CEP290: variants seen among roughly 807,000 people sequenced by gnomAD.
CEP290 encodes centrosomal protein 290.
CEP290 carries 317 observed loss-of-function variants against 344.9 expected under a neutral mutation model. The observed-to-expected ratio is 0.92, with a 90% CI of 0.84 to 1.01. The LOEUF (loss-of-function observed/expected upper bound fraction) is 1.01. Among genes scored for constraint, CEP290 ranks in the 50% least tolerant of loss-of-function variants. CEP290 has a pLI of 0.00. For missense variants in CEP290, 2,754 were observed against 2,761.4 expected, an observed-to-expected ratio of 1.00 and a Z score of 0.06; for synonymous variants, 932 against 895.8, an observed-to-expected ratio of 1.04 and a Z score of -0.72.
At chr12:88,091,519 A>G (rs894994391) in intron 29 of CEP290, among the ~76,000 whole-genome samples, 21 of 152,152 alleles carry the variant, frequency 1.4e-4, no homozygotes, top group Admixed American at 1.4e-3. Context: ...TTTGGGTTAG[A>G]ATAATTTTAG....
intron 23 of CEP290, among the ~76,000 whole-genome samples, chr12:88,107,891 G>C (rs1342126856): frequency 2.0e-5 from 3 of 148,638 alleles, no homozygotes; most frequent in Non-Finnish European, 4.4e-5. Context: ...GACAGAGCAA[G>C]ACTCTGTCTC....
chr12:88,110,553 A>T (rs1473298400), intron 22 of CEP290, among the ~76,000 whole-genome samples: 1 of 152,038 alleles, frequency 6.6e-6, no homozygotes, highest in Non-Finnish European at 1.5e-5. Context: ...TCTACTAAAA[A>T]AAAATACAAA....
chr12:88,072,796 G>A (rs1416382119), intron 41 of CEP290, among the ~76,000 whole-genome samples: 1 of 152,110 alleles, frequency 6.6e-6, no homozygotes. Flanking sequence ...ATAAAAAAGT[G>A]TATCTTCATG....
chr12:88,088,523 C>A (rs567993570), intron 31 of CEP290, among the ~76,000 whole-genome samples: 1 of 152,098 alleles, frequency 6.6e-6, no homozygotes, highest in Non-Finnish European at 1.5e-5. Context: ...AACATTCCCA[C>A]TAAAATCTTT....
In CEP290 at chr12:88,118,568, A is replaced by T. The variant is rs762272190; in HGVS notation, c.1626T>A (p.Ile542=). The T allele has an allele frequency of 1.2e-6, 2 of 1,601,496 alleles. No individual in the cohort carries two copies. The highest frequency in any genetic ancestry group is 2.7e-5 in the African/African-American group (2 of 74,836). The part of the protein sequence containing the change: ...RAENQILLKE[I]ESLEEERLDL... ...CAAGTCGTTCTTCCTCTAGACTTTC[A>T]ATCTGCAAAGTATAAATTATTAGTA... Residue 542 remains isoleucine, a splice_region_variant and synonymous_variant, in exon 17 of 54, where the codon ATT becomes ATA. Coordinates refer to ENST00000552810, the MANE Select transcript of CEP290 (RefSeq NM_025114.4).
At chr12:88,115,457 A>C (rs2038982812) in intron 18 of CEP290, 2 of 1,293,484 alleles carry the variant, frequency 1.5e-6, no homozygotes, top group Non-Finnish European at 2.0e-6. Context: ...CATCTCTTTT[A>C]ATGTTCTGCC....
Position 88,071,373 on chromosome 12 carries a change from G to A in CEP290, c.5932C>T (p.Arg1978Ter), listed in dbSNP as rs371525247. 22 of 1,610,352 alleles carry A rather than the reference G, an allele frequency of 1.4e-5. No individual in the cohort carries two copies. Among genetic ancestry groups the A allele is most frequent in the South Asian group, 5.5e-5 (5 of 90,660 alleles). Residue 1978 changes from arginine (R) to a stop codon, truncating the protein, a stop_gained, in exon 43 of 54, where the codon CGA (arginine) becomes TGA (stop). Transcript: ENST00000552810. LOFTEE classifies it high-confidence loss of function. ...GMTVDQVLGI[R>*]ALESEKELEE... ...AATTCTTTTTCTGACTCCAAAGCTC[G>A]TATTCCCAAAACCTGATCAACAGTC...
intron 18 of CEP290, among the ~76,000 whole-genome samples, chr12:88,116,734 G>T (rs1465438589): frequency 6.6e-6 from 1 of 152,064 alleles, no homozygotes; most frequent in Non-Finnish European, 1.5e-5. Flanking sequence ...CAGCACTTTG[G>T]GAGGCCGAGG....
intron 3 of CEP290, among the ~76,000 whole-genome samples, chr12:88,140,186 A>G (rs1443656440): frequency 1.3e-5 from 2 of 152,020 alleles, no homozygotes; most frequent in Non-Finnish European, 2.9e-5. Context: ...TCTTTCCACT[A>G]CTTTTTTTCT....
At chr12:88,074,012 G>T (rs1303105648) in intron 41 of CEP290, among the ~76,000 whole-genome samples, 1 of 152,040 alleles carries the variant, frequency 6.6e-6, no homozygotes, top group Non-Finnish European at 1.5e-5. Flanking sequence ...ATCACCTGAG[G>T]TCAGGAGTTT....
At chr12:88,088,902 C>G (rs1293774288) in intron 31 of CEP290, 130 bp downstream of exon 31, 5 of 542,872 alleles carry the variant, frequency 9.2e-6, no homozygotes, top group Non-Finnish European at 1.5e-5. Flanking sequence ...GCTACAACTA[C>G]TCAGGAGGCT....
At chr12:88,083,979 TA>T (rs1016892699) in intron 35 of CEP290, 25 bp from the exon 36 acceptor site, 1 of 1,379,448 alleles carries the variant, frequency 7.2e-7, no homozygotes, top group Non-Finnish European at 1.0e-6. Context: ...ATCGAAACTA[TA>T]TCTTAAATTG....
intron 6 of CEP290, chr12:88,136,122 T>C (rs538159604): frequency 6.6e-6 from 1 of 152,394 alleles, no homozygotes; most frequent in East Asian, 1.9e-4. Flanking sequence ...ATTTATAAAC[T>C]GCTGACATGA....
intron 41 of CEP290, among the ~76,000 whole-genome samples, chr12:88,072,506 A>G (rs769247943): frequency 2.6e-5 from 4 of 152,154 alleles, no homozygotes; most frequent in Non-Finnish European, 5.9e-5. Flanking sequence ...TCACAAGACA[A>G]ATAAAATTCT....
intron 31 of CEP290, among the ~76,000 whole-genome samples, chr12:88,088,272 A>C (rs938137278): frequency 6.6e-6 from 1 of 152,190 alleles, no homozygotes; most frequent in Admixed American, 6.5e-5. Flanking sequence ...CAGAAATCCT[A>C]AATGTTTCTA....
rs1478240732 is a variant in CEP290 at position 88,121,060 on chromosome 12, A to G, written c.1296T>C (p.Ala432=). The G allele has an allele frequency of 7.4e-6, 12 of 1,613,566 alleles. No individual in the cohort carries two copies. Among genetic ancestry groups the G allele is most frequent in the Non-Finnish European group, 1.0e-5 (12 of 1,179,704 alleles). The stretch of plus-strand genomic sequence containing the variant: ...ATTCTTTATCCTTTTCCCTAGCATC[A>G]GCCTCAGCCAGTTCAGCTGTTCTCT... The part of the protein sequence containing the change: ...EAERTAELAE[A]DAREKDKELV... Residue 432 remains alanine (A), a synonymous_variant, in exon 14 of 54, where the codon GCT becomes GCC. Transcript: ENST00000552810.
At chr12:88,124,991 C>G (rs975057760) in intron 13 of CEP290, among the ~76,000 whole-genome samples, 1 of 151,826 alleles carries the variant, frequency 6.6e-6, no homozygotes, top group African/African-American at 2.4e-5. Context: ...TTTTTCATTT[C>G]TTTCATACCA....
Position 88,083,973 on chromosome 12 carries a change from A to C in CEP290, c.4705-19T>G. 1 of 1,427,088 alleles carries C rather than the reference A, an allele frequency of 7.0e-7. No homozygotes were observed. Among genetic ancestry groups the C allele is most frequent in the Non-Finnish European group, 9.7e-7 (1 of 1,030,800 alleles). The allele number at this position is 1,427,088 out of a possible 1,614,324, so 88.4% of individuals were successfully genotyped here. A position where few individuals can be genotyped will look rare whatever the true frequency, so the allele number is the denominator to read the frequency against. On this transcript the variant is annotated intron_variant, in intron 35 of 53. Coordinates refer to ENST00000552810, the MANE Select transcript of CEP290 (RefSeq NM_025114.4). Reference sequence around the variant, plus strand: ...TTTGCTCCTGTTTTACAGAAAATCGAAACTATATCTTAAATTGTGATTAAA... The same window carrying C: ...TTTGCTCCTGTTTTACAGAAAATCGCAACTATATCTTAAATTGTGATTAAA...
intron 44 of CEP290, among the ~76,000 whole-genome samples, chr12:88,067,030 G>C (rs1030055241): frequency 6.6e-6 from 1 of 152,154 alleles, no homozygotes; most frequent in South Asian, 2.1e-4. Flanking sequence ...AAGGAACTTA[G>C]TATACATCTT....
Sources: allele counts gnomAD v4.1 joint callset (sites outside exome capture counted in the v4.1 genomes callset), GRCh38; gene constraint gnomAD v4.1.1; transcripts MANE v1.5; gene names NCBI Gene and HGNC (gene_info 2026-07-23, HGNC 2026-07-21).